The following KLF12 variants were observed in gnomAD, a reference collection of about 807,000 sequenced individuals.
KLF12 encodes the protein Krueppel-like factor 12.
Under a neutral mutation model 37.8 loss-of-function variants are expected in KLF12, and 9 were observed. The observed-to-expected ratio is 0.24, with a 90% CI of 0.14 to 0.42. The LOEUF (loss-of-function observed/expected upper bound fraction) is 0.42. Among genes scored for constraint, KLF12 ranks in the 10% least tolerant of loss-of-function variants. KLF12 has a pLI of 1.00. For synonymous variants in KLF12, 208 were observed against 202.1 expected, an observed-to-expected ratio of 1.03 and a Z score of -0.25; for missense variants, 411 against 516.0, an observed-to-expected ratio of 0.80 and a Z score of 1.97.
intron 1 of KLF12, among the ~76,000 whole-genome samples, chr13:74,044,068 G>T (rs1893477805): frequency 6.6e-6 from 1 of 152,090 alleles, no homozygotes; most frequent in African/African-American, 2.4e-5. Context: ...CTTATACCTT[G>T]CCCTTAGATG....
chr13:73,960,480 T>TA (rs949978216), intron 2 of KLF12: 46 of 217,156 alleles, frequency 2.1e-4, no homozygotes, highest in Admixed American at 6.5e-4. Flanking sequence ...TCAAGTGGGC[T>TA]AAAAAAAAGA....
chr13:73,813,985 T>C (rs1327634240), intron 4 of KLF12, among the ~76,000 whole-genome samples: 1 of 152,226 alleles, frequency 6.6e-6, no homozygotes, highest in African/African-American at 2.4e-5. Flanking sequence ...GGCACAATGT[T>C]CTGACCCCTG....
intron 2 of KLF12, among the ~76,000 whole-genome samples, chr13:73,987,972 T>C (rs534575059): frequency 2.6e-4 from 40 of 152,294 alleles, no homozygotes; most frequent in African/African-American, 7.2e-4. Context: ...TGTAAATCTT[T>C]GACTTGTGTT....
the KLF12 span, among the ~76,000 whole-genome samples, chr13:74,204,544 C>T: frequency 1.3e-4 from 20 of 152,284 alleles, no homozygotes; most frequent in East Asian, 2.9e-3. Context: ...TCTGTCAACT[C>T]TAAAATCTTT....
chr13:73,796,714 A>C (rs1242620539), intron 5 of KLF12, among the ~76,000 whole-genome samples: 1 of 152,202 alleles, frequency 6.6e-6, no homozygotes, highest in African/African-American at 2.4e-5. Context: ...CCCCTTCTTC[A>C]GTATTTACCT....
the KLF12 span, among the ~76,000 whole-genome samples, chr13:74,191,791 T>C: frequency 6.6e-6 from 1 of 152,184 alleles, no homozygotes; most frequent in Non-Finnish European, 1.5e-5. Flanking sequence ...ATTTGGTATA[T>C]ATAAGCTATA....
intron 3 of KLF12, among the ~76,000 whole-genome samples, chr13:73,903,248 A>C (rs1166308913): frequency 6.6e-6 from 1 of 152,204 alleles, no homozygotes; most frequent in Non-Finnish European, 1.5e-5. Context: ...TGTGTGCCAG[A>C]ACATGCTGTG....
intron 3 of KLF12, among the ~76,000 whole-genome samples, chr13:73,919,002 A>G (rs921275876): frequency 6.6e-6 from 1 of 152,194 alleles, no homozygotes; most frequent in African/African-American, 2.4e-5. Flanking sequence ...AAATGCCACA[A>G]GCTAAACGGG....
At chr13:73,775,848 T>C (rs1371872838) in intron 5 of KLF12, among the ~76,000 whole-genome samples, 1 of 152,220 alleles carries the variant, frequency 6.6e-6, no homozygotes, top group Non-Finnish European at 1.5e-5. Context: ...TTAAAGTATA[T>C]AATACAGACA....
chr13:73,791,395 C>CT (rs1013026673), intron 5 of KLF12, among the ~76,000 whole-genome samples: 2 of 151,516 alleles, frequency 1.3e-5, no homozygotes, highest in African/African-American at 2.4e-5. Flanking sequence ...AACTGTCATT[C>CT]TTTTTTTTTC....
intron 2 of KLF12, among the ~76,000 whole-genome samples, chr13:73,967,167 C>T (rs1171770390): frequency 2.0e-5 from 3 of 152,094 alleles, no homozygotes; most frequent in African/African-American, 7.2e-5. Context: ...GTTTTCCTGG[C>T]CCATGAGAAA....
At chr13:73,805,424 A>T (rs1365762493) in intron 5 of KLF12, among the ~76,000 whole-genome samples, 1 of 151,978 alleles carries the variant, frequency 6.6e-6, no homozygotes, top group East Asian at 1.9e-4. Context: ...GTTCAACATC[A>T]GCCTGAGCAA....
At chr13:73,696,782 G>C (rs76825298) in intron 7 of KLF12, among the ~76,000 whole-genome samples, 6,772 of 152,256 alleles carry the variant, frequency 0.044, 194 homozygotes, top group Middle Eastern at 0.095. Flanking sequence ...GTAAAAAGAT[G>C]TGCATGGCTC....
chr13:73,831,931 G>T (rs7998795), intron 4 of KLF12, among the ~76,000 whole-genome samples: 1 of 152,168 alleles, frequency 6.6e-6, no homozygotes, highest in African/African-American at 2.4e-5. Flanking sequence ...TAAAAATAAC[G>T]ATTGAGAAAT....
intron 2 of KLF12, among the ~76,000 whole-genome samples, chr13:73,960,063 C>A (rs79155010): frequency 0.036 from 5,551 of 152,122 alleles, 318 homozygotes; most frequent in African/African-American, 0.13. Flanking sequence ...ATATTCACAG[C>A]CAATGTGAGT....
the KLF12 span, among the ~76,000 whole-genome samples, chr13:74,282,908 T>C: frequency 6.6e-6 from 1 of 152,222 alleles, no homozygotes; most frequent in South Asian, 2.1e-4. Context: ...TTTATGATTC[T>C]AACCTCCTAG....
chr13:74,082,163 T>TAAAAAAAAAAC, intron 1 of KLF12, among the ~76,000 whole-genome samples: 1 of 114,768 alleles, frequency 8.7e-6, no homozygotes, highest in Middle Eastern at 4.2e-3. Context: ...CCCTGTCTCT[T>TAAAAAAAAAAC]AAAAAAAAAA....
At chr13:73,974,964 T>C (rs4454843) in intron 2 of KLF12, among the ~76,000 whole-genome samples, 52,490 of 152,104 alleles carry the variant, frequency 0.35, 11,010 homozygotes, top group East Asian at 0.58. Flanking sequence ...ACATTAGCAG[T>C]TAGCTCGTAA....
intron 3 of KLF12, among the ~76,000 whole-genome samples, chr13:73,881,994 T>C (rs1887005421): frequency 6.6e-6 from 1 of 152,242 alleles, no homozygotes; most frequent in Non-Finnish European, 1.5e-5. Flanking sequence ...TTTGTGGCTT[T>C]GTCTACGAAA....
Sources: gnomAD v4.1 joint callset for allele counts (sites outside exome capture counted in the v4.1 genomes callset) on GRCh38, gnomAD v4.1.1 for gene constraint, MANE v1.5 for transcripts, NCBI Gene and HGNC (gene_info 2026-07-23, HGNC 2026-07-21) for gene names.